TAGAP: variants seen among roughly 807,000 people sequenced by gnomAD.
The protein encoded by TAGAP is T cell activation RhoGTPase activating protein, also known as T-cell activation Rho GTPase-activating protein.
In TAGAP, 16 loss-of-function variants were observed where a neutral mutation model predicts 36.0. The observed-to-expected ratio is 0.44, with a 90% CI of 0.30 to 0.68. TAGAP has a LOEUF of 0.68. TAGAP is among the 30% of genes least tolerant of loss of function. The probability of loss-of-function intolerance (pLI) is 0.09; values close to 1 mark genes in which losing one functional copy is unlikely to be tolerated. For missense variants in TAGAP, 794 were observed against 921.5 expected, an observed-to-expected ratio of 0.86 and a Z score of 1.79; for synonymous variants, 372 against 377.4, an observed-to-expected ratio of 0.99 and a Z score of 0.17.
At chr6:159,042,438 CACTGTTACCAGGGCA>C in intron 4 of TAGAP, 194 bp from the exon 5 acceptor site, 1 of 1,298,262 alleles carries the variant, frequency 7.7e-7, no homozygotes. Flanking sequence ...TAAACAACCA[CACTGTTACCAGGGCA>C]ACCAGTTCCC....
rs758555248 is a variant in TAGAP at position 159,036,715 on chromosome 6, C to T, written c.1308G>A (p.Arg436=). 2.3e-5 allele frequency: 37 copies of T among 1,614,082 alleles called. No individual in the cohort carries two copies. Among genetic ancestry groups the T allele is most frequent in the Non-Finnish European group, 3.0e-5 (35 of 1,180,036 alleles). Residue 436 remains arginine (R), a synonymous_variant, in exon 10 of 10, where the codon AGG becomes AGA. Transcript: ENST00000367066. The surrounding 1 kb of genome is among the most constrained non-coding windows in gnomAD (Gnocchi z 4.9). ...VFPAVQGKTK[R]PVDLKIKNLA... ...AGTTCTTGATCTTCAGGTCCACCGG[C>T]CTCTTGGTTTTGCCTTGCACTGCAG...
In TAGAP at chr6:159,041,779, C is replaced by T. The variant is rs1297804328; in HGVS notation, c.316-264G>A. 3.7e-6 allele frequency: 2 copies of T among 537,372 alleles called. No individual in the cohort carries two copies. The highest frequency in any genetic ancestry group is 3.1e-5 in the East Asian group (1 of 32,456). 33.3% of individuals were successfully genotyped at this position (537,372 alleles called of 1,614,324 possible). A position where few individuals can be genotyped will look rare whatever the true frequency, so the allele number is the denominator to read the frequency against. ...AGATCACAAAGTCTATATTCTGTTT[C>T]CCCCTTTTGACTTTTCAGAAGCTAC... On this transcript the variant is annotated intron_variant, in intron 5 of 9. Transcript: ENST00000367066. This position sits in a 1 kb window ranked among gnomAD's most constrained non-coding sequence, Gnocchi z 4.1.
At chr6:159,044,099 G>C (rs1037834689) in intron 2 of TAGAP, 21 bp downstream of exon 2, 17 of 1,613,874 alleles carry the variant, frequency 1.1e-5, no homozygotes, top group Non-Finnish European at 1.4e-5. Context: ...GTGAATGAAT[G>C]AATGTGAGAG....
rs1779531279 is a variant in TAGAP at position 159,036,252 on chromosome 6, C to T, written c.1771G>A (p.Gly591Arg). 2 of 1,612,354 alleles carry T rather than the reference C, an allele frequency of 1.2e-6. No individual in the cohort carries two copies. Among genetic ancestry groups the T allele is most frequent in the Admixed American group, 3.3e-5 (2 of 59,984 alleles). The change falls in exon 10 of 10, where the codon GGA becomes AGA. Residue 591 changes from glycine (G) to arginine (R), a missense_variant. Physicochemically the swap from Gly to Arg is moderately radical, Grantham distance 125. Coordinates refer to ENST00000367066, the MANE Select transcript of TAGAP (RefSeq NM_054114.5). This position sits in a 1 kb window ranked among gnomAD's most constrained non-coding sequence, Gnocchi z 4.9. ...VFQGADWERP[G>R]SPPSYEEAMQ... Reference sequence around the variant, plus strand: ...GCCTCTTCATAAGAGGGTGGGCTTCCAGGCCTCTCCCAGTCAGCTCCCTGG... The same window carrying T: ...GCCTCTTCATAAGAGGGTGGGCTTCTAGGCCTCTCCCAGTCAGCTCCCTGG...
Position 159,044,036 on chromosome 6 carries a change from A to G in TAGAP, c.28-5T>C. 1 of 1,613,788 alleles carries G rather than the reference A, an allele frequency of 6.2e-7. No individual in the cohort carries two copies. The highest frequency in any genetic ancestry group is 8.5e-7 in the Non-Finnish European group (1 of 1,179,862). On this transcript the variant is annotated splice_region_variant and splice_polypyrimidine_tract_variant and intron_variant, in intron 2 of 9. Coordinates refer to ENST00000367066, the MANE Select transcript of TAGAP (RefSeq NM_054114.5). ...ATTGGCGTTTAGTGTTTTTGACTAA[A>G]AGAGAAAAAATAAAATTAGGTAAAT...
rs756130035 is a variant in TAGAP, at chr6:159,036,132, G to C, written c.1891C>G (p.His631Asp). 1 of 1,613,606 alleles carries C rather than the reference G, an allele frequency of 6.2e-7. No homozygotes were observed. ...GGTGGAAGAGGGGGTAGGAGGCAGTGCGCCTCCAGCATCCTCGCCCTCATG... is the reference window on the plus strand; with the variant it reads ...GGTGGAAGAGGGGGTAGGAGGCAGTCCGCCTCCAGCATCCTCGCCCTCATG... Reference protein sequence around the residue: ...GSMRARMLEAHCLLPPLPPAH... With the variant: ...GSMRARMLEADCLLPPLPPAH... Residue 631 changes from histidine (H) to aspartate (D), a missense_variant, in exon 10 of 10, where the codon CAC becomes GAC. Coordinates refer to ENST00000367066, the MANE Select transcript of TAGAP (RefSeq NM_054114.5). This position sits in a 1 kb window ranked among gnomAD's most constrained non-coding sequence, Gnocchi z 4.9.
At chr6:159,043,687 T>C (rs540472473) in intron 3 of TAGAP, 32 bp from the exon 4 acceptor site, 14 of 1,597,428 alleles carry the variant, frequency 8.8e-6, no homozygotes, top group Non-Finnish European at 1.2e-5. Context: ...TTAAATATAG[T>C]GACTGAAGAA....
In TAGAP at chr6:159,041,291, T is replaced by C. The variant is rs1279511665; in HGVS notation, c.477+63A>G. On this transcript the variant is annotated intron_variant, in intron 6 of 9. Coordinates refer to ENST00000367066, the MANE Select transcript of TAGAP (RefSeq NM_054114.5). The surrounding 1 kb of genome is among the most constrained non-coding windows in gnomAD (Gnocchi z 4.1). ...TGGGGAGAAGAGCCTATTTCTTGCA[T>C]CCTGAGAATGAGTGTGTCAGGGCCC... 2 of 1,578,696 alleles carry C rather than the reference T, an allele frequency of 1.3e-6. No individual in the cohort carries two copies. The highest frequency in any genetic ancestry group is 2.7e-5 in the African/African-American group (2 of 73,544).
chr6:159,044,646 A>C (rs1355906965), intron 1 of TAGAP, among the ~76,000 whole-genome samples: 1 of 152,090 alleles, frequency 6.6e-6, no homozygotes, highest in Non-Finnish European at 1.5e-5. Flanking sequence ...GAAAAAAAAA[A>C]AAACATATCC....
chr6:159,043,902 AAATAATATTC>A, intron 3 of TAGAP, 66 bp downstream of exon 3: 3 of 1,355,512 alleles, frequency 2.2e-6, no homozygotes, highest in Non-Finnish European at 3.1e-6. Context: ...TATTCAACCC[AAATAATATTC>A]AATTAAAACA....
In TAGAP at chr6:159,035,350, A is replaced by G. The variant is rs1215958376; in HGVS notation, c.*477T>C. Reference sequence around the variant, plus strand: ...GTGATTAGTTATTGCAAGACTGCTTATATAGAGTAATATATAGTTTACTCT... The same window carrying G: ...GTGATTAGTTATTGCAAGACTGCTTGTATAGAGTAATATATAGTTTACTCT... On this transcript the variant is annotated 3_prime_UTR_variant, in exon 10 of 10. Coordinates refer to ENST00000367066, the MANE Select transcript of TAGAP (RefSeq NM_054114.5). 1 of 153,380 alleles carries G rather than the reference A, an allele frequency of 6.5e-6. No individual in the cohort carries two copies. The highest frequency in any genetic ancestry group is 1.5e-5 in the Non-Finnish European group (1 of 68,776). 9.5% of individuals were successfully genotyped at this position (153,380 alleles called of 1,614,324 possible).
At chr6:159,038,256 G>C in intron 8 of TAGAP, 28 bp from the exon 9 acceptor site, 1 of 961,344 alleles carries the variant, frequency 1.0e-6, no homozygotes, top group Non-Finnish European at 1.6e-6. Flanking sequence ...CAATTTGTCA[G>C]CTTGAAGACT....
rs779996502 is a variant in TAGAP at position 159,036,036 on chromosome 6, G to C, written c.1987C>G (p.Leu663Val). The change falls in exon 10 of 10, where the codon CTG becomes GTG. Residue 663 changes from leucine to valine, a missense_variant. Transcript: ENST00000367066. The surrounding 1 kb of genome is among the most constrained non-coding windows in gnomAD (Gnocchi z 4.9). ...EPLPGHGLSP[L>V]PERWKQSRTV... ...CTGCTCTGTTTCCATCGCTCAGGCAGGGGAGAGAGTCCGTGGCCAGGGAGT... is the reference window on the plus strand; with the variant it reads ...CTGCTCTGTTTCCATCGCTCAGGCACGGGAGAGAGTCCGTGGCCAGGGAGT... 5.0e-6 allele frequency: 8 copies of C among 1,611,994 alleles called. No individual in the cohort carries two copies. The highest frequency in any genetic ancestry group is 5.1e-6 in the Non-Finnish European group (6 of 1,178,250).
At position 159,036,719 on chromosome 6, in the gene TAGAP, T is replaced by C; in HGVS notation, c.1304A>G (p.Lys435Arg). Residue 435 changes from lysine (K) to arginine (R), a missense_variant, in exon 10 of 10, where the codon AAG becomes AGG. Transcript: ENST00000367066. The surrounding 1 kb of genome is among the most constrained non-coding windows in gnomAD (Gnocchi z 4.9). ...CTTGATCTTCAGGTCCACCGGCCTC[T>C]TGGTTTTGCCTTGCACTGCAGGGAA... ...EVFPAVQGKT[K>R]RPVDLKIKNL... is the part of the protein sequence containing the mutation. 1 of 1,614,202 alleles carries C rather than the reference T, an allele frequency of 6.2e-7. No individual in the cohort carries two copies.
chr6:159,036,270 C>A lies in TAGAP; in HGVS notation c.1753G>T (p.Ala585Ser). The stretch of plus-strand genomic sequence containing the variant: ...GGGCTTCCAGGCCTCTCCCAGTCAG[C>A]TCCCTGGAACACATCATCCACCGAG... ...ALSVDDVFQGADWERPGSPPS... is the reference protein window; with the variant it reads ...ALSVDDVFQGSDWERPGSPPS... Residue 585 changes from alanine to serine, a missense_variant, in exon 10 of 10, where the codon GCT (alanine) becomes TCT (serine). Physicochemically the swap from Ala to Ser is moderately conservative, Grantham distance 99 (BLOSUM62 1). Transcript: ENST00000367066. This position sits in a 1 kb window ranked among gnomAD's most constrained non-coding sequence, Gnocchi z 4.9. 1 of 1,612,442 alleles carries A rather than the reference C, an allele frequency of 6.2e-7. No homozygotes were observed.
At chr6:159,043,459 G>A in intron 4 of TAGAP, 130 bp downstream of exon 4, 3 of 803,988 alleles carry the variant, frequency 3.7e-6, no homozygotes, top group Non-Finnish European at 6.4e-6. Context: ...AAGGGTTAAT[G>A]TTCTGCGGTC....
chr6:159,037,222 C>T lies in TAGAP; in HGVS notation c.899-98G>A, dbSNP rs1226079577. 6.2e-6 allele frequency: 7 copies of T among 1,132,808 alleles called. No homozygotes were observed. The highest frequency in any genetic ancestry group is 5.9e-6 in the Non-Finnish European group (5 of 852,060). 70.2% of individuals were successfully genotyped at this position (1,132,808 alleles called of 1,614,324 possible). ...ATTTTCATTTTTTGAGATGGAGTCT[C>T]GGTTTGTTGCCCAGGCTGGAGTGCA... On this transcript the variant is annotated intron_variant, in intron 9 of 9. Coordinates refer to ENST00000367066, the MANE Select transcript of TAGAP (RefSeq NM_054114.5). This position sits in a 1 kb window ranked among gnomAD's most constrained non-coding sequence, Gnocchi z 5.1.
rs1779719598 is a variant in TAGAP, at chr6:159,040,767, A to G, written c.543T>C (p.Ala181=). ...SSDLFEEWMG[A]LEMQDEEDRI... Reference sequence around the variant, plus strand: ...TGTCCTCCTCGTCCTGCATCTCCAGAGCACCCATCCACTCCTCAAAGAGGT... The same window carrying G: ...TGTCCTCCTCGTCCTGCATCTCCAGGGCACCCATCCACTCCTCAAAGAGGT... The change falls in exon 7 of 10, where the codon GCT becomes GCC. Residue 181 remains alanine, a synonymous_variant. Transcript: ENST00000367066. The G allele has an allele frequency of 1.2e-6, 2 of 1,614,134 alleles. No homozygotes were observed. The highest frequency in any genetic ancestry group is 1.7e-6 in the Non-Finnish European group (2 of 1,180,014).
intron 8 of TAGAP, among the ~76,000 whole-genome samples, 184 bp from the exon 9 acceptor site, chr6:159,038,412 C>G (rs556855932): frequency 2.1e-4 from 31 of 146,028 alleles, no homozygotes; most frequent in Admixed American, 1.4e-4. Flanking sequence ...TTTTTTGAGA[C>G]AGGCTTTCAC....
Sources: allele counts gnomAD v4.1 joint callset (sites outside exome capture counted in the v4.1 genomes callset), GRCh38; gene constraint gnomAD v4.1.1; non-coding constraint Gnocchi (gnomAD v3.1); transcripts MANE v1.5; gene names NCBI Gene and HGNC (gene_info 2026-07-23, HGNC 2026-07-21).